PACSIN1: variants seen among roughly 807,000 people sequenced by gnomAD.
PACSIN1 encodes protein kinase C and casein kinase substrate in neurons 1.
In PACSIN1, 15 loss-of-function variants were observed where a neutral mutation model predicts 59.5. The observed-to-expected ratio is 0.25, with a 90% CI of 0.17 to 0.39. PACSIN1 has a LOEUF of 0.39. Among genes scored for constraint, PACSIN1 ranks in the 10% least tolerant of loss-of-function variants. PACSIN1 has a pLI of 1.00. For synonymous variants in PACSIN1, 210 were observed against 220.6 expected (o/e 0.95, Z 0.42); for missense variants, 420 against 580.2 (o/e 0.72, Z 2.84).
intron 1 of PACSIN1, among the ~76,000 whole-genome samples, chr6:34,477,307 A>T (rs1766651709): frequency 6.6e-6 from 1 of 152,100 alleles, no homozygotes; most frequent in Non-Finnish European, 1.5e-5. Context: ...CCTGGGCAAC[A>T]TAGGGAGATG....
chr6:34,528,902 C>CCGGGGGG, intron 4 of PACSIN1, 25 bp downstream of exon 4: 8 of 268,068 alleles, frequency 3.0e-5, no homozygotes, highest in Non-Finnish European at 5.1e-5. Context: ...CTGCCACGGG[C>CCGGGGGG]GGGGTGGGGT....
intron 1 of PACSIN1, among the ~76,000 whole-genome samples, chr6:34,479,170 G>A (rs1286572019): frequency 1.3e-5 from 2 of 152,106 alleles, no homozygotes; most frequent in Non-Finnish European, 2.9e-5. Context: ...ATTTCAACAT[G>A]TGTTTTGGAG....
intron 1 of PACSIN1, among the ~76,000 whole-genome samples, chr6:34,480,755 A>G (rs1174029335): frequency 6.6e-6 from 1 of 152,144 alleles, no homozygotes; most frequent in Non-Finnish European, 1.5e-5. Context: ...AAAGGAATGG[A>G]ATCACTAGGT....
rs1238543051 is a variant in PACSIN1 at position 34,530,275 on chromosome 6, C to T, written c.821C>T (p.Ala274Val). Residue 274 changes from alanine (A) to valine (V), a missense_variant, in exon 7 of 10, where the codon GCC becomes GTC. Transcript: ENST00000244458. This position sits in a 1 kb window ranked among gnomAD's most constrained non-coding sequence, Gnocchi z 4.4. Reference sequence around the variant, plus strand: ...CATGTGTACCGTGAGCTGGAGCAGGCCATCCGGGGGGCTGATGCCCAGGAA... The same window carrying T: ...CATGTGTACCGTGAGCTGGAGCAGGTCATCCGGGGGGCTGATGCCCAGGAA... ...YIHVYRELEQ[A>V]IRGADAQEDL... 2 of 1,613,946 alleles carry T rather than the reference C, an allele frequency of 1.2e-6. No homozygotes were observed. The highest frequency in any genetic ancestry group is 8.5e-7 in the Non-Finnish European group (1 of 1,179,986).
At position 34,533,186 on chromosome 6, in the gene PACSIN1, G is replaced by T. The variant is rs1380170364; in HGVS notation, c.*656G>T. The T allele has an allele frequency of 3.3e-5, 5 of 152,316 alleles. No homozygotes were observed. The highest frequency in any genetic ancestry group is 1.2e-4 in the African/African-American group (5 of 41,434). 9.4% of individuals were successfully genotyped at this position (152,316 alleles called of 1,614,324 possible). Reference sequence around the variant, plus strand: ...GCTGGAGGAAGTCATGGTGTCACTGGGGTACAGGAGGGTGAATGAAGGGCA... The same window carrying T: ...GCTGGAGGAAGTCATGGTGTCACTGTGGTACAGGAGGGTGAATGAAGGGCA... On this transcript the variant is annotated 3_prime_UTR_variant, in exon 10 of 10. Transcript: ENST00000244458.
chr6:34,528,880 G>T lies in PACSIN1; in HGVS notation c.456+3G>T. 1 of 1,507,094 alleles carries T rather than the reference G, an allele frequency of 6.6e-7. No homozygotes were observed. 93.4% of individuals were successfully genotyped at this position (1,507,094 alleles called of 1,614,324 possible). ...CTTGGGCCAAGAAGATGAAGGAGGT[G>T]CTCAGTGGGTGCTGCCACGGGCGGG... On this transcript the variant is annotated splice_donor_region_variant and intron_variant, in intron 4 of 9. Transcript: ENST00000244458.
In PACSIN1 at chr6:34,488,679, G is replaced by A. The variant is rs553021168; in HGVS notation, c.-64+22409G>A. Among the ~76,000 whole-genome samples, 138 of 152,256 alleles carry A rather than the reference G, an allele frequency of 9.1e-4. 1 individual carries two copies. The highest frequency in any genetic ancestry group is 3.2e-3 in the African/African-American group (133 of 41,548). On this transcript the variant is annotated intron_variant, in intron 1 of 9. Coordinates refer to ENST00000244458, the MANE Select transcript of PACSIN1 (RefSeq NM_020804.5). This position sits in a 1 kb window ranked among gnomAD's most constrained non-coding sequence, Gnocchi z 4.7. ...AGTGTGTGCCATGTTCCAGAAGACA[G>A]CTCACCATCCTTGCAGGAGATCAGC...
intron 1 of PACSIN1, among the ~76,000 whole-genome samples, chr6:34,501,094 G>T (rs1281665310): frequency 6.6e-6 from 1 of 152,150 alleles, no homozygotes; most frequent in Non-Finnish European, 1.5e-5. Flanking sequence ...AGGCTGTTTT[G>T]TTTTCTTATC....
At chr6:34,470,198 T>A (rs1322846846) in intron 1 of PACSIN1, among the ~76,000 whole-genome samples, 1 of 150,630 alleles carries the variant, frequency 6.6e-6, no homozygotes, top group Non-Finnish European at 1.5e-5. Context: ...TATTATTATT[T>A]TTGAGACGGA....
intron 4 of PACSIN1, 35 bp downstream of exon 4, chr6:34,528,912 T>TGGGTGCCGGGGGGGGGGGGGGGG: frequency 2.2e-6 from 1 of 464,336 alleles, no homozygotes; most frequent in Non-Finnish European, 4.2e-6. Context: ...CGGGGTGGGG[T>TGGGTGCCGGGGGGGGGGGGGGGG]GGGCCCGTCT....
intron 1 of PACSIN1, among the ~76,000 whole-genome samples, chr6:34,510,209 G>C (rs1285796930): frequency 2.0e-5 from 3 of 152,226 alleles, no homozygotes; most frequent in Admixed American, 6.5e-5. Flanking sequence ...TATCGCAAAA[G>C]CTTCTTAACT....
At chr6:34,510,165 T>C (rs2127263256) in intron 1 of PACSIN1, among the ~76,000 whole-genome samples, 1 of 152,404 alleles carries the variant, frequency 6.6e-6, no homozygotes, top group East Asian at 1.9e-4. Context: ...ATGAACATTC[T>C]TGGACGTGCG....
Position 34,529,922 on chromosome 6 carries a change from C to T in PACSIN1, c.788+81C>T. ...TGGCATGCAGGGCATCCCAGCCCTC[C>T]ATCACAGTGACGGGAAGGGGAGGCA... On this transcript the variant is annotated intron_variant, in intron 6 of 9. Coordinates refer to ENST00000244458, the MANE Select transcript of PACSIN1 (RefSeq NM_020804.5). The surrounding 1 kb of genome is among the most constrained non-coding windows in gnomAD (Gnocchi z 6.3). 2 of 1,452,920 alleles carry T rather than the reference C, an allele frequency of 1.4e-6. No individual in the cohort carries two copies. Among genetic ancestry groups the T allele is most frequent in the Non-Finnish European group, 1.9e-6 (2 of 1,064,496 alleles). 90.0% of individuals were successfully genotyped at this position (1,452,920 alleles called of 1,614,324 possible). A position where few individuals can be genotyped will look rare whatever the true frequency, so the allele number is the denominator to read the frequency against.
chr6:34,509,508 C>CT (rs1443083042), intron 1 of PACSIN1, among the ~76,000 whole-genome samples: 1 of 152,124 alleles, frequency 6.6e-6, no homozygotes, highest in Non-Finnish European at 1.5e-5. Context: ...AGTATGGGGC[C>CT]TCCAGCTTTG....
chr6:34,525,053 G>A lies in PACSIN1; in HGVS notation c.-63-1190G>A, dbSNP rs1319787878. Among the ~76,000 whole-genome samples the A allele has an allele frequency of 1.3e-5, 2 of 152,184 alleles. No homozygotes were observed. Among genetic ancestry groups the A allele is most frequent in the East Asian group, 1.9e-4 (1 of 5,200 alleles). On this transcript the variant is annotated intron_variant, in intron 1 of 9. Coordinates refer to ENST00000244458, the MANE Select transcript of PACSIN1 (RefSeq NM_020804.5). This position sits in a 1 kb window ranked among gnomAD's most constrained non-coding sequence, Gnocchi z 4.9. ...ACTTCTCTGTATCTAAATTTAAAACGTTCCTTATGAAGCAAGTACTGCTTT... is the reference window on the plus strand; with the variant it reads ...ACTTCTCTGTATCTAAATTTAAAACATTCCTTATGAAGCAAGTACTGCTTT...
At chr6:34,476,345 G>A (rs2127240927) in intron 1 of PACSIN1, among the ~76,000 whole-genome samples, 1 of 152,324 alleles carries the variant, frequency 6.6e-6, no homozygotes, top group Admixed American at 6.5e-5. Context: ...CCAAGCGTGT[G>A]ATAGAGCTGG....
At chr6:34,487,553 G>A (rs7748484) in intron 1 of PACSIN1, among the ~76,000 whole-genome samples, 34,819 of 152,072 alleles carry the variant, frequency 0.23, 5,296 homozygotes, top group East Asian at 0.54. Context: ...GGTTGCTCTC[G>A]GAATCAACAG....
At chr6:34,480,141 CT>C (rs1766694541) in intron 1 of PACSIN1, among the ~76,000 whole-genome samples, 1 of 150,658 alleles carries the variant, frequency 6.6e-6, no homozygotes, top group Non-Finnish European at 1.5e-5. Context: ...AGTTTGTTCT[CT>C]TTTTAAATTA....
rs571430239 is a variant in PACSIN1 at position 34,530,259 on chromosome 6, C to G, written c.805C>G (p.Arg269Gly). ...AENSSYIHVY[R>G]ELEQAIRGAD... is the part of the protein sequence containing the mutation. ...TGAGCACAGCTACATCCATGTGTAC[C>G]GTGAGCTGGAGCAGGCCATCCGGGG... The change falls in exon 7 of 10, where the codon CGT (arginine) becomes GGT (glycine). Residue 269 changes from arginine (R) to glycine (G), a missense_variant. Coordinates refer to ENST00000244458, the MANE Select transcript of PACSIN1 (RefSeq NM_020804.5). The surrounding 1 kb of genome is among the most constrained non-coding windows in gnomAD (Gnocchi z 4.4). 6.2e-7 allele frequency: 1 copy of G among 1,613,840 alleles called. No homozygotes were observed. Among genetic ancestry groups the G allele is most frequent in the East Asian group, 2.2e-5 (1 of 44,872 alleles).
Sources: allele counts gnomAD v4.1 joint callset (sites outside exome capture counted in the v4.1 genomes callset), GRCh38; gene constraint gnomAD v4.1.1; non-coding constraint Gnocchi (gnomAD v3.1); transcripts MANE v1.5; gene names NCBI Gene and HGNC (gene_info 2026-07-23, HGNC 2026-07-21).